Variants in SLC37A3 observed in about 807,000 individuals in gnomAD.
The protein encoded by SLC37A3 is sugar phosphate exchanger 3.
Under a neutral mutation model 67.1 loss-of-function variants are expected in SLC37A3, and 51 were observed. The observed-to-expected ratio is 0.76, with a 90% CI of 0.61 to 0.96. The LOEUF is 0.96. Ranked by LOEUF, SLC37A3 falls within the 40% of genes least tolerant of loss-of-function variation. SLC37A3 has a pLI of 0.00. For synonymous variants in SLC37A3, 214 were observed against 231.4 expected, an observed-to-expected ratio of 0.92 and a Z score of 0.68; for missense variants, 508 against 603.0, an observed-to-expected ratio of 0.84 and a Z score of 1.65.
chr7:140,393,571 C>T (rs990543140), intron 1 of SLC37A3, among the ~76,000 whole-genome samples: 2 of 152,176 alleles, frequency 1.3e-5, no homozygotes, highest in Admixed American at 6.6e-5. Context: ...TGTTCTTCCA[C>T]GAGAGGAGTG....
intron 1 of SLC37A3, among the ~76,000 whole-genome samples, chr7:140,383,350 T>C (rs1172940940): frequency 6.6e-6 from 1 of 152,094 alleles, no homozygotes; most frequent in African/African-American, 2.4e-5. Flanking sequence ...ACACCTGTAG[T>C]ACCCCAGCTA....
At chr7:140,380,120 G>T in intron 3 of SLC37A3, 162 bp downstream of exon 3, 1 of 438,342 alleles carries the variant, frequency 2.3e-6, no homozygotes, top group Non-Finnish European at 4.1e-6. Context: ...GACTGAGTCA[G>T]AGCAGGCTTT....
At position 140,338,617 on chromosome 7, in the gene SLC37A3, G is replaced by T. The variant is rs528595028; in HGVS notation, c.1327-1268C>A. On this transcript the variant is annotated intron_variant, in intron 13 of 14. Coordinates refer to ENST00000326232, the MANE Select transcript of SLC37A3 (RefSeq NM_207113.3). ...CTCCAGAGTAGCTGGGATTACAGGT[G>T]TGAGCCACCATGCTCGGCTAATTTT... is the stretch of plus-strand genomic sequence containing the variant. Among the ~76,000 whole-genome samples the T allele has an allele frequency of 7.2e-5, 11 of 152,056 alleles. 1 individual carries two copies. The South Asian group carries it at 2.3e-3, about 32-fold the overall frequency.
rs117673257 is a variant in SLC37A3 at position 140,377,365 on chromosome 7, C to T, written c.198+2917G>A. ...CAGGCCTGAGCCATCGCACCTGGCC[C>T]AAGACACTTTAAATTCTCCTTCCTT... On this transcript the variant is annotated intron_variant, in intron 3 of 14. Coordinates refer to ENST00000326232, the MANE Select transcript of SLC37A3 (RefSeq NM_207113.3). Among the ~76,000 whole-genome samples the T allele has an allele frequency of 4.5e-3, 682 of 152,122 alleles. 9 individuals carry two copies. Among genetic ancestry groups the T allele is most frequent in the South Asian group, 0.017 (82 of 4,806 alleles).
intron 13 of SLC37A3, 85 bp downstream of exon 13, chr7:140,343,327 C>T (rs1796430696): frequency 6.3e-7 from 1 of 1,583,244 alleles, no homozygotes; most frequent in East Asian, 2.2e-5. Context: ...AAGAGTGCCA[C>T]CTACTGAGGC....
chr7:140,366,207 C>A (rs1797595610), intron 4 of SLC37A3, among the ~76,000 whole-genome samples: 1 of 151,956 alleles, frequency 6.6e-6, no homozygotes. Context: ...AGACACCACG[C>A]CCAGCCAAGT....
intron 13 of SLC37A3, among the ~76,000 whole-genome samples, chr7:140,339,731 C>T (rs1245106031): frequency 6.6e-6 from 1 of 151,562 alleles, no homozygotes; most frequent in African/African-American, 2.4e-5. Context: ...GCACCAGTCA[C>T]CTTTCCTGTT....
chr7:140,372,721 C>T (rs1163641759), intron 3 of SLC37A3, among the ~76,000 whole-genome samples: 2 of 151,786 alleles, frequency 1.3e-5, no homozygotes, highest in Admixed American at 1.3e-4. Context: ...AAATTAGCCA[C>T]GTGTGGTGGT....
chr7:140,348,444 T>C, intron 10 of SLC37A3, 182 bp downstream of exon 10: 1 of 536,700 alleles, frequency 1.9e-6, no homozygotes, highest in Non-Finnish European at 2.8e-6. Flanking sequence ...CCTCTTGTTT[T>C]TTCTTTTCTT....
chr7:140,336,365 G>A lies in SLC37A3; in HGVS notation c.1393-861C>T, dbSNP rs537018154. Among the ~76,000 whole-genome samples the A allele has an allele frequency of 6.6e-5, 10 of 152,320 alleles. No homozygotes were observed. In the South Asian group the frequency reaches 2.1e-3, roughly 32 times the overall value. ...CACCTGAGCCCAGGAGGTCAAGGCT[G>A]TAGTGAGCTGTGATCGTGCCACTGC... On this transcript the variant is annotated intron_variant, in intron 14 of 14. Transcript: ENST00000326232.
chr7:140,355,837 C>G, intron 6 of SLC37A3, 73 bp from the exon 7 acceptor site: 2 of 1,295,552 alleles, frequency 1.5e-6, no homozygotes. Context: ...AAATACAAAA[C>G]AGCCAAAACA....
chr7:140,347,977 T>TATAC (rs1366363710), intron 10 of SLC37A3, among the ~76,000 whole-genome samples: 1 of 152,232 alleles, frequency 6.6e-6, no homozygotes, highest in African/African-American at 2.4e-5. Context: ...TGTTTTTTTC[T>TATAC]ATACATACAT....
intron 1 of SLC37A3, among the ~76,000 whole-genome samples, chr7:140,393,318 C>T (rs995280648): frequency 1.3e-4 from 20 of 152,312 alleles, no homozygotes; most frequent in Non-Finnish European, 1.5e-5. Flanking sequence ...ATATCAGCAC[C>T]TGCAGAGCTG....
At chr7:140,336,958 G>A (rs1200772025) in intron 14 of SLC37A3, among the ~76,000 whole-genome samples, 1 of 151,872 alleles carries the variant, frequency 6.6e-6, no homozygotes, top group Non-Finnish European at 1.5e-5. Flanking sequence ...AATTAGCCGG[G>A]TGTGGTGGCA....
chr7:140,351,585 A>G, intron 8 of SLC37A3, 134 bp from the exon 9 acceptor site: 1 of 758,040 alleles, frequency 1.3e-6, no homozygotes, highest in Non-Finnish European at 2.1e-6. Flanking sequence ...CCAGAGACCG[A>G]GGTCAACTAA....
intron 10 of SLC37A3, 158 bp downstream of exon 10, chr7:140,348,468 T>C (rs1165414569): frequency 4.1e-5 from 28 of 679,962 alleles, no homozygotes; most frequent in Non-Finnish European, 5.6e-5. Flanking sequence ...TTTTCTTTTT[T>C]TTTTTTTTTT....
rs1229484674 is a variant in SLC37A3, at chr7:140,334,526, C to T, written c.*886G>A. 2 of 146,746 alleles carry T rather than the reference C, an allele frequency of 1.4e-5. No individual in the cohort carries two copies. Among genetic ancestry groups the T allele is most frequent in the East Asian group, 3.9e-4 (2 of 5,138 alleles). 9.1% of individuals were successfully genotyped at this position (146,746 alleles called of 1,614,324 possible). On this transcript the variant is annotated 3_prime_UTR_variant, in exon 15 of 15. Transcript: ENST00000326232. ...CAGAGATCAATCCTCTAAAAATAGACTAAGCAGATTAGCTTCCTAGAGGAT... is the reference window on the plus strand; with the variant it reads ...CAGAGATCAATCCTCTAAAAATAGATTAAGCAGATTAGCTTCCTAGAGGAT...
intron 14 of SLC37A3, 89 bp from the exon 15 acceptor site, chr7:140,335,593 T>C: frequency 7.0e-7 from 1 of 1,438,268 alleles, no homozygotes. Flanking sequence ...ATTTGGACAA[T>C]TACATTCATT....
rs185806492 is a variant in SLC37A3, at chr7:140,338,500, C to T, written c.1327-1151G>A. ...ACTCCTTTTTTTTTGGAGATGGAGT[C>T]TCGCTCTGTCACCTAGGCTGGAGTG... On this transcript the variant is annotated intron_variant, in intron 13 of 14. Transcript: ENST00000326232. Among the ~76,000 whole-genome samples the T allele has an allele frequency of 1.3e-3, 196 of 152,212 alleles. 1 individual carries two copies. Among genetic ancestry groups the T allele is most frequent in the African/African-American group, 4.6e-3 (191 of 41,540 alleles).
Sources: allele counts gnomAD v4.1 joint callset (sites outside exome capture counted in the v4.1 genomes callset), GRCh38; gene constraint gnomAD v4.1.1; transcripts MANE v1.5; gene names NCBI Gene and HGNC (gene_info 2026-07-23, HGNC 2026-07-21).